The following PTPRD variants were observed in gnomAD, a reference collection of about 807,000 sequenced individuals.
The protein encoded by PTPRD is protein tyrosine phosphatase receptor type D.
PTPRD carries 34 observed loss-of-function variants against 214.5 expected under a neutral mutation model. The observed-to-expected ratio is 0.16, with a 90% confidence interval of 0.12 to 0.21. The LOEUF (loss-of-function observed/expected upper bound fraction) is 0.21, where lower values mean the gene tolerates loss of function less well. Among genes scored for constraint, PTPRD ranks in the 10% least tolerant of loss-of-function variants. The pLI is 1.00. For synonymous variants in PTPRD, 1,128 were observed against 845.7 expected, an observed-to-expected ratio of 1.33 and a Z score of -5.79; for missense variants, 2,545 against 2,398.7, an observed-to-expected ratio of 1.06 and a Z score of -1.27.
chr9:10,503,200 A>AAAAAC (rs1555437146), intron 2 of PTPRD, among the ~76,000 whole-genome samples: 3 of 122,138 alleles, frequency 2.5e-5, no homozygotes, highest in African/African-American at 1.0e-4. Flanking sequence ...ATACAAAAAA[A>AAAAAC]AAAAAAACAA....
intron 2 of PTPRD, among the ~76,000 whole-genome samples, chr9:10,547,240 C>T (rs1264579930): frequency 6.6e-6 from 1 of 152,140 alleles, no homozygotes; most frequent in East Asian, 1.9e-4. Flanking sequence ...TCTCATTTTA[C>T]AATTTTACAA....
chr9:8,815,723 T>C (rs753345899), intron 11 of PTPRD, among the ~76,000 whole-genome samples: 10 of 152,170 alleles, frequency 6.6e-5, no homozygotes, highest in Non-Finnish European at 1.3e-4. Flanking sequence ...GTATAACTGG[T>C]ACCAACAGTG....
intron 11 of PTPRD, among the ~76,000 whole-genome samples, chr9:8,802,586 A>G (rs1044512856): frequency 6.6e-6 from 1 of 152,236 alleles, no homozygotes; most frequent in Non-Finnish European, 1.5e-5. Flanking sequence ...GGAAGTTCCC[A>G]AAAGTGGTAA....
chr9:8,481,957 A>AT (rs1413578160), intron 30 of PTPRD, among the ~76,000 whole-genome samples: 1 of 151,414 alleles, frequency 6.6e-6, no homozygotes, highest in Non-Finnish European at 1.5e-5. Context: ...TAATTGTTGT[A>AT]TTTTCAGTAG....
At chr9:9,380,330 G>A (rs961492949) in intron 9 of PTPRD, among the ~76,000 whole-genome samples, 2 of 151,880 alleles carry the variant, frequency 1.3e-5, no homozygotes, top group Non-Finnish European at 2.9e-5. Context: ...TTTGACCTGT[G>A]TGTTATTTAG....
chr9:8,828,355 T>C (rs1601139068), intron 11 of PTPRD, among the ~76,000 whole-genome samples: 1 of 152,266 alleles, frequency 6.6e-6, no homozygotes, highest in African/African-American at 2.4e-5. Flanking sequence ...ATAGTGCTCT[T>C]ATAAGAAGAA....
At chr9:8,331,440 AG>A in intron 44 of PTPRD, 141 bp downstream of exon 44, 1 of 979,472 alleles carries the variant, frequency 1.0e-6, no homozygotes, top group Non-Finnish European at 1.4e-6. Context: ...ATGAAAAGAA[AG>A]AGAAATCAAT....
chr9:8,910,716 TG>T (rs1242192156), intron 11 of PTPRD, among the ~76,000 whole-genome samples: 3 of 152,150 alleles, frequency 2.0e-5, no homozygotes, highest in Non-Finnish European at 4.4e-5. Context: ...CAAAAGAAAA[TG>T]GACTAAGATA....
chr9:9,216,160 G>A (rs2099952057), intron 9 of PTPRD, among the ~76,000 whole-genome samples: 1 of 151,928 alleles, frequency 6.6e-6, no homozygotes, highest in South Asian at 2.1e-4. Flanking sequence ...ATTATAATAG[G>A]GACTACCTCA....
chr9:9,479,239 C>G (rs1006506105), intron 8 of PTPRD, among the ~76,000 whole-genome samples: 1 of 120,214 alleles, frequency 8.3e-6, no homozygotes, highest in Admixed American at 1.0e-4. Flanking sequence ...CACACACACA[C>G]CCACCTCTAG....
chr9:10,545,782 T>C (rs987765643), intron 2 of PTPRD, among the ~76,000 whole-genome samples: 4 of 152,172 alleles, frequency 2.6e-5, no homozygotes, highest in South Asian at 2.1e-4. Flanking sequence ...TGCTAGACAA[T>C]AGAATTCTTG....
intron 5 of PTPRD, among the ~76,000 whole-genome samples, chr9:9,921,796 T>C (rs2082623610): frequency 6.6e-6 from 1 of 151,578 alleles, no homozygotes; most frequent in Non-Finnish European, 1.5e-5. Context: ...AATAGTGTAA[T>C]TGAGAGCAGC....
chr9:8,797,705 C>T (rs558868304), intron 11 of PTPRD, among the ~76,000 whole-genome samples: 2 of 152,254 alleles, frequency 1.3e-5, no homozygotes, highest in South Asian at 4.1e-4. Flanking sequence ...AAAGCTGAAC[C>T]ATTTATCCCA....
chr9:9,976,169 T>A (rs1389626646), intron 4 of PTPRD, among the ~76,000 whole-genome samples: 1 of 152,122 alleles, frequency 6.6e-6, no homozygotes, highest in Non-Finnish European at 1.5e-5. Flanking sequence ...AAATTAAAAT[T>A]TGATATGCCT....
intron 12 of PTPRD, among the ~76,000 whole-genome samples, chr9:8,712,800 C>G (rs1199876331): frequency 6.6e-6 from 1 of 152,130 alleles, no homozygotes; most frequent in Non-Finnish European, 1.5e-5. Flanking sequence ...CTCACTGCAA[C>G]CTCCGCCTCC....
At chr9:9,125,965 G>A (rs2099831717) in intron 10 of PTPRD, among the ~76,000 whole-genome samples, 2 of 152,180 alleles carry the variant, frequency 1.3e-5, no homozygotes, top group Non-Finnish European at 1.5e-5. Context: ...AGAAGGGACA[G>A]TTGTGTTAAG....
chr9:8,635,083 A>T (rs1452970327), intron 13 of PTPRD, among the ~76,000 whole-genome samples: 2 of 147,784 alleles, frequency 1.4e-5, no homozygotes, highest in Admixed American at 1.4e-4. Flanking sequence ...AATATATATT[A>T]TATATATATT....
At chr9:10,135,076 A>G (rs901293566) in intron 3 of PTPRD, among the ~76,000 whole-genome samples, 1 of 152,194 alleles carries the variant, frequency 6.6e-6, no homozygotes, top group Admixed American at 6.6e-5. Flanking sequence ...GAATTCCATA[A>G]TTTGGTTTGA....
chr9:8,819,410 C>T (rs2154526035), intron 11 of PTPRD, among the ~76,000 whole-genome samples: 1 of 152,220 alleles, frequency 6.6e-6, no homozygotes, highest in South Asian at 2.1e-4. Context: ...CACCTGTAAT[C>T]CCAGCACTTT....
Sources: gnomAD v4.1 joint callset for allele counts (sites outside exome capture counted in the v4.1 genomes callset) on GRCh38, gnomAD v4.1.1 for gene constraint, MANE v1.5 for transcripts, NCBI Gene and HGNC (gene_info 2026-07-23, HGNC 2026-07-21) for gene names.